The following FNBP4 variants were observed in gnomAD, a reference collection of about 807,000 sequenced individuals.
The protein encoded by FNBP4 is formin-binding protein 4.
Under a neutral mutation model 119.3 loss-of-function variants are expected in FNBP4, and 34 were observed. The ratio of observed to expected loss-of-function variants is 0.28; its 90% CI spans 0.22 to 0.38. FNBP4 has a LOEUF of 0.38. Ranked by LOEUF, FNBP4 falls within the 10% of genes least tolerant of loss-of-function variation. The pLI is 1.00. For synonymous variants in FNBP4, 462 were observed against 430.6 expected, an observed-to-expected ratio of 1.07 and a Z score of -0.90; for missense variants, 1,112 against 1,228.9, an observed-to-expected ratio of 0.90 and a Z score of 1.42.
At chr11:47,737,396 C>CT (rs1243727708) in intron 8 of FNBP4, among the ~76,000 whole-genome samples, 6 of 152,026 alleles carry the variant, frequency 3.9e-5, no homozygotes, top group African/African-American at 1.4e-4. Context: ...TGTAAGAATT[C>CT]TTTAACAAGT....
intron 2 of FNBP4, among the ~76,000 whole-genome samples, chr11:47,755,390 G>A (rs533043036): frequency 2.8e-5 from 4 of 141,286 alleles, no homozygotes; most frequent in South Asian, 2.3e-4. Context: ...CGGAGGTTGC[G>A]GTGAGCTGAG....
intron 16 of FNBP4, among the ~76,000 whole-genome samples, chr11:47,717,738 A>G (rs986300724): frequency 9.9e-5 from 15 of 151,996 alleles, no homozygotes; most frequent in African/African-American, 3.1e-4. Flanking sequence ...GTCTAAGTGC[A>G]TATTTATTTA....
chr11:47,738,847 ATTTTTTTTTTTTTTTTTTTTTT>A (rs71045510), intron 8 of FNBP4, among the ~76,000 whole-genome samples: 22 of 110,984 alleles, frequency 2.0e-4, no homozygotes, highest in East Asian at 1.1e-3. Context: ...TGCCCAGGTA[ATTTTTTTTTTTTTTTTTTTTTT>A]TTTTTTTTTT....
intron 12 of FNBP4, 172 bp from the exon 13 acceptor site, chr11:47,724,950 A>C (rs2097559418): frequency 1.0e-6 from 1 of 976,756 alleles, no homozygotes; most frequent in Non-Finnish European, 1.4e-6. Context: ...TCCTTGAAAA[A>C]AATTTGGCCC....
Position 47,724,493 on chromosome 11 carries a change from G to T in FNBP4, c.2294C>A (p.Ala765Glu). 6.2e-7 allele frequency: 1 copy of T among 1,614,240 alleles called. No homozygotes were observed. The highest frequency in any genetic ancestry group is 8.5e-7 in the Non-Finnish European group (1 of 1,180,036). ...CTGGCTAGTTACAACTGTGGTTTGT[G>T]CTGAAGGTTTCAAAGGGGTATCTTC... ...TEEDTPLKPS[A>E]QTTVVTSQSS... Residue 765 changes from alanine to glutamate, a missense_variant, in exon 13 of 17, where the codon GCA becomes GAA. Ala to Glu is a moderately radical substitution (Grantham distance 107, BLOSUM62 -1). Around this residue, in one of 2 missense-constraint regions of FNBP4, gnomAD observed 826 missense variants for 988.8 expected, o/e 0.84. Coordinates refer to ENST00000263773, the MANE Select transcript of FNBP4 (RefSeq NM_015308.5).
intron 7 of FNBP4, 56 bp downstream of exon 7, chr11:47,746,000 C>T: frequency 7.3e-7 from 1 of 1,360,558 alleles, no homozygotes; most frequent in Non-Finnish European, 1.0e-6. Context: ...GCACAATGAT[C>T]CCTGTAGAGT....
In FNBP4 at chr11:47,755,143, A is replaced by G. The variant is rs1226850178; in HGVS notation, c.314-479T>C. 7.3e-5 allele frequency among the ~76,000 whole-genome samples: 5 copies of G among 68,246 alleles called. No individual in the cohort carries two copies. The South Asian group carries it at 1.6e-3, about 22-fold the overall frequency. The allele number at this position is 68,246 out of a possible 152,430, so 44.8% of individuals were successfully genotyped here. On this transcript the variant is annotated intron_variant, in intron 2 of 16. Coordinates refer to ENST00000263773, the MANE Select transcript of FNBP4 (RefSeq NM_015308.5). Reference sequence around the variant, plus strand: ...AGTAAGACTCTGTCTCCGGGGGTTAAAAAAAAAAAAAAAAAATTGATCTGG... The same window carrying G: ...AGTAAGACTCTGTCTCCGGGGGTTAGAAAAAAAAAAAAAAAATTGATCTGG...
chr11:47,718,141 C>A (rs764104127), intron 16 of FNBP4, among the ~76,000 whole-genome samples: 9 of 151,972 alleles, frequency 5.9e-5, no homozygotes, highest in Non-Finnish European at 1.2e-4. Flanking sequence ...TTTTCTTAGC[C>A]CACAGGAGTT....
intron 2 of FNBP4, among the ~76,000 whole-genome samples, chr11:47,763,019 A>G (rs1194283765): frequency 1.3e-5 from 2 of 151,224 alleles, no homozygotes. Context: ...TACAGGCATG[A>G]GCCACCCATT....
chr11:47,746,420 T>C, intron 6 of FNBP4, 26 bp from the exon 7 acceptor site: 1 of 1,535,122 alleles, frequency 6.5e-7, no homozygotes, highest in Non-Finnish European at 8.8e-7. Context: ...TAATTTAGTC[T>C]CATTTAATTC....
At position 47,731,528 on chromosome 11, in the gene FNBP4, CT is replaced by C; in HGVS notation, c.1853del (p.Gln618ArgfsTer34). 1 of 1,612,488 alleles carries C rather than the reference CT, an allele frequency of 6.2e-7. No homozygotes were observed. The highest frequency in any genetic ancestry group is 1.1e-5 in the South Asian group (1 of 90,820). On this transcript the variant is annotated frameshift_variant, in exon 12 of 17. Coordinates refer to ENST00000263773, the MANE Select transcript of FNBP4 (RefSeq NM_015308.5). LOFTEE classifies it high-confidence loss of function. ...DHRRYFYVNEQSGESQWEFPD... is the reference protein window; with the variant it reads ...DHRRYFYVNEXSGESQWEFPD... ...GAAACTCCCACTGAGACTCGCCCGA[CT>C]GTTCGTTTACATAGAAATACCGTCT...
In FNBP4 at chr11:47,717,536, T is replaced by C. The variant is rs1419457104; in HGVS notation, c.2964-24A>G. The C allele has an allele frequency of 4.6e-6, 7 of 1,524,648 alleles. No individual in the cohort carries two copies. In the African/African-American group the frequency reaches 6.9e-5, roughly 15 times the overall value. The allele number at this position is 1,524,648 out of a possible 1,614,324, so 94.4% of individuals were successfully genotyped here. On this transcript the variant is annotated intron_variant, in intron 16 of 16. Transcript: ENST00000263773. Reference sequence around the variant, plus strand: ...CACTGTGAAAACAACATACAGATTATTTTAGTGGAAAGAAAAATTAACAAA... The same window carrying C: ...CACTGTGAAAACAACATACAGATTACTTTAGTGGAAAGAAAAATTAACAAA...
chr11:47,721,913 A>AT (rs1449183481), intron 15 of FNBP4, among the ~76,000 whole-genome samples: 1 of 132,706 alleles, frequency 7.5e-6, no homozygotes, highest in Non-Finnish European at 1.6e-5. Context: ...CTATCAAATG[A>AT]TTAAAAAAAA....
Position 47,717,203 on chromosome 11 carries a change from G to A in FNBP4, c.*219C>T, listed in dbSNP as rs535780832. On this transcript the variant is annotated 3_prime_UTR_variant, in exon 17 of 17. Coordinates refer to ENST00000263773, the MANE Select transcript of FNBP4 (RefSeq NM_015308.5). The stretch of plus-strand genomic sequence containing the variant: ...TAAGTTTGCCAGTTTGAGAATAAAG[G>A]CAGCATGGTCAAAGCAATTCCAATC... The A allele has an allele frequency of 8.2e-6, 4 of 488,846 alleles. No individual in the cohort carries two copies. The highest frequency in any genetic ancestry group is 7.8e-5 in the African/African-American group (4 of 51,582). 30.3% of individuals were successfully genotyped at this position (488,846 alleles called of 1,614,324 possible). A position where few individuals can be genotyped will look rare whatever the true frequency, so the allele number is the denominator to read the frequency against.
Position 47,717,447 on chromosome 11 carries a change from C to T in FNBP4, c.3029G>A (p.Arg1010Lys). The change falls in exon 17 of 17, where the codon AGA becomes AAA. Residue 1010 changes from arginine to lysine, a missense_variant. Physicochemically the swap from Arg to Lys is conservative, Grantham distance 26. Coordinates refer to ENST00000263773, the MANE Select transcript of FNBP4 (RefSeq NM_015308.5). ...CTATGTGTTTGGAGCCATTTTCCTT[C>T]TCTTCAGCCTTGCTCTCCAATCCTC... ...LPEDWRARLK[R>K]RKMAPNT is the part of the protein sequence containing the mutation. 1 of 1,612,582 alleles carries T rather than the reference C, an allele frequency of 6.2e-7. No individual in the cohort carries two copies. The highest frequency in any genetic ancestry group is 8.5e-7 in the Non-Finnish European group (1 of 1,179,686).
At position 47,766,413 on chromosome 11, in the gene FNBP4, C is replaced by G. The variant is rs539990830; in HGVS notation, c.220+656G>C. ...TCTCCAGGCTATGATAGGACCTTTA[C>G]AAGACACACCAAACACTGCTATTGC... On this transcript the variant is annotated intron_variant, in intron 1 of 16. Transcript: ENST00000263773. Among the ~76,000 whole-genome samples, 14 of 152,340 alleles carry G rather than the reference C, an allele frequency of 9.2e-5. No individual in the cohort carries two copies. In the East Asian group the frequency reaches 2.7e-3, roughly 29 times the overall value.
At chr11:47,748,349 G>T (rs1212859087) in intron 6 of FNBP4, among the ~76,000 whole-genome samples, 1 of 151,764 alleles carries the variant, frequency 6.6e-6, no homozygotes, top group East Asian at 1.9e-4. Context: ...TCCCATTGGG[G>T]TAACACTTGT....
intron 9 of FNBP4, among the ~76,000 whole-genome samples, chr11:47,735,795 T>G (rs1465860601): frequency 6.6e-6 from 1 of 151,442 alleles, no homozygotes; most frequent in Non-Finnish European, 1.5e-5. Context: ...TAAAAAAAAA[T>G]GGGGCCCGGT....
At chr11:47,753,843 A>AATTCCAAT (rs1191337973) in intron 3 of FNBP4, among the ~76,000 whole-genome samples, 13 of 152,166 alleles carry the variant, frequency 8.5e-5, no homozygotes, top group Admixed American at 2.6e-4. Context: ...TCTCAAATCA[A>AATTCCAAT]AACCCTCATC....
Sources: allele counts gnomAD v4.1 joint callset (sites outside exome capture counted in the v4.1 genomes callset), GRCh38; gene constraint gnomAD v4.1.1; regional missense constraint gnomAD v4.1.1; transcripts MANE v1.5; gene names NCBI Gene and HGNC (gene_info 2026-07-23, HGNC 2026-07-21).